The following ITPA variants were observed in gnomAD, a reference collection of about 807,000 sequenced individuals.
ITPA encodes the protein inosine triphosphate pyrophosphatase.
A neutral mutation model predicts 29.6 loss-of-function variants in ITPA; 29 were observed. That is an observed-to-expected ratio of 0.98 (90% CI 0.73 to 1.34). The LOEUF is 1.34. Among genes scored for constraint, ITPA ranks in the 40% most tolerant of loss-of-function variants. The probability of loss-of-function intolerance (pLI) is 0.00; values close to 1 mark genes in which losing one functional copy is unlikely to be tolerated. For missense variants in ITPA, 241 were observed against 251.5 expected (o/e 0.96, Z 0.28); for synonymous variants, 103 against 99.3 (o/e 1.04, Z -0.22).
chr20:3,204,289 TC>T (rs2067055506), upstream of ITPA, among the ~76,000 whole-genome samples: 1 of 152,100 alleles, frequency 6.6e-6, no homozygotes. Flanking sequence ...GGTATGGAGT[TC>T]CCGGGGGTGA....
upstream of ITPA, among the ~76,000 whole-genome samples, chr20:3,207,825 T>A (rs905121988): frequency 6.7e-6 from 1 of 150,196 alleles, no homozygotes; most frequent in African/African-American, 2.5e-5. Context: ...TGAAACCCCG[T>A]CTCTACTAAA....
chr20:3,216,131 C>T (rs747706317), intron 5 of ITPA, among the ~76,000 whole-genome samples: 68 of 150,038 alleles, frequency 4.5e-4, no homozygotes, highest in Middle Eastern at 7.0e-3. Flanking sequence ...ACTGGGATTA[C>T]AGGCATGCGC....
chr20:3,207,003 G>T (rs1405239281), upstream of ITPA, among the ~76,000 whole-genome samples: 1 of 152,000 alleles, frequency 6.6e-6, no homozygotes, highest in Non-Finnish European at 1.5e-5. Context: ...AACAGAGCAA[G>T]ACTCCATCTC....
At chr20:3,215,906 G>C (rs1418146602) in intron 5 of ITPA, among the ~76,000 whole-genome samples, 1 of 151,796 alleles carries the variant, frequency 6.6e-6, no homozygotes, top group Non-Finnish European at 1.5e-5. Flanking sequence ...GGCCAGTCTC[G>C]AACACCTGAC....
chr20:3,224,350 G>A (rs1018604613), downstream of ITPA, among the ~76,000 whole-genome samples: 3 of 152,208 alleles, frequency 2.0e-5, no homozygotes, highest in African/African-American at 7.2e-5. Context: ...GCCATTCCCT[G>A]GAAGGGACCT....
At chr20:3,206,074 AAG>A (rs1460825966), upstream of ITPA, among the ~76,000 whole-genome samples, 1 of 150,250 alleles carries the variant, frequency 6.7e-6, no homozygotes, top group Non-Finnish European at 1.5e-5. Context: ...AAAAAAAAGA[AAG>A]AAAGAAAGAA....
Position 3,221,836 on chromosome 20 carries a change from G to A in ITPA, c.412-5G>A. 1 of 1,613,976 alleles carries A rather than the reference G, an allele frequency of 6.2e-7. No homozygotes were observed. Among genetic ancestry groups the A allele is most frequent in the Non-Finnish European group, 8.5e-7 (1 of 1,179,968 alleles). On this transcript the variant is annotated splice_region_variant and splice_polypyrimidine_tract_variant and intron_variant, in intron 6 of 7. Transcript: ENST00000380113. ...TACACACCTGTCCCCCCTTTCCTGT[G>A]GCAGGGCCGGATCGTGGCACCCAGA...
chr20:3,223,597 C>T lies in ITPA; in HGVS notation c.*135C>T, dbSNP rs1022212426. On this transcript the variant is annotated 3_prime_UTR_variant, in exon 8 of 8. Transcript: ENST00000380113. ...TTGTGAGGGTGTCGAGTAGCCTCAC[C>T]GGCCTGTCTGGAGGAGCAGCTGGCT... The T allele has an allele frequency of 1.3e-5, 9 of 707,464 alleles. No homozygotes were observed. Among genetic ancestry groups the T allele is most frequent in the East Asian group, 5.4e-5 (2 of 36,848 alleles). The allele number at this position is 707,464 out of a possible 1,614,324, so 43.8% of individuals were successfully genotyped here. A position where few individuals can be genotyped will look rare whatever the true frequency, so the allele number is the denominator to read the frequency against.
intron 6 of ITPA, among the ~76,000 whole-genome samples, chr20:3,219,397 C>T (rs1367537647): frequency 1.3e-5 from 2 of 151,572 alleles, no homozygotes; most frequent in Non-Finnish European, 2.9e-5. Flanking sequence ...TTTCTTGAGC[C>T]CAGGTGTTCA....
chr20:3,223,489 G>A lies in ITPA; in HGVS notation c.*27G>A, dbSNP rs1214107800. On this transcript the variant is annotated 3_prime_UTR_variant, in exon 8 of 8. Transcript: ENST00000380113. Reference sequence around the variant, plus strand: ...TTCTGCAGCTGGAGGAGGCCCCTCAGGCCGGGGATCTGGGGAGGGCTAGCC... The same window carrying A: ...TTCTGCAGCTGGAGGAGGCCCCTCAAGCCGGGGATCTGGGGAGGGCTAGCC... 5.1e-6 allele frequency: 8 copies of A among 1,577,728 alleles called. No individual in the cohort carries two copies. In the Admixed American group the frequency reaches 6.8e-5, roughly 14 times the overall value.
chr20:3,204,518 G>T, upstream of ITPA: 2 of 1,548,220 alleles, frequency 1.3e-6, no homozygotes, highest in Non-Finnish European at 1.7e-6. Flanking sequence ...ACCAACCCTG[G>T]TGCAGCGGCA....
At chr20:3,217,184 T>C (rs1227616301) in intron 5 of ITPA, among the ~76,000 whole-genome samples, 2 of 152,236 alleles carry the variant, frequency 1.3e-5, no homozygotes, top group African/African-American at 4.8e-5. Context: ...CCCATCCTTA[T>C]GTGCTTTTAA....
rs182480258 is a variant in ITPA, at chr20:3,210,789, G to T, written c.66+1172G>T. Among the ~76,000 whole-genome samples, 189 of 152,126 alleles carry T rather than the reference G, an allele frequency of 1.2e-3. 1 individual carries two copies. The highest frequency in any genetic ancestry group is 4.4e-3 in the African/African-American group (184 of 41,526). On this transcript the variant is annotated intron_variant, in intron 1 of 7. Transcript: ENST00000380113. ...CTGGAACCCGAGTGCAGTGCCTCACGCCTGTAATCCCAGCACTTTGGGAGG... is the reference window on the plus strand; with the variant it reads ...CTGGAACCCGAGTGCAGTGCCTCACTCCTGTAATCCCAGCACTTTGGGAGG...
downstream of ITPA, among the ~76,000 whole-genome samples, chr20:3,224,425 C>T (rs1233006032): frequency 6.6e-6 from 1 of 152,156 alleles, no homozygotes; most frequent in South Asian, 2.1e-4. Context: ...GTGATGGGCT[C>T]AGGCTGGTGG....
upstream of ITPA, chr20:3,204,396 G>C: frequency 1.2e-6 from 1 of 817,518 alleles, no homozygotes; most frequent in Non-Finnish European, 1.9e-6. Flanking sequence ...AGCCCCACCC[G>C]GCACACGACT....
At chr20:3,215,122 C>T (rs2067263840) in intron 4 of ITPA, 159 bp from the exon 5 acceptor site, 1 of 712,344 alleles carries the variant, frequency 1.4e-6, no homozygotes. Context: ...CTGCCTTAGC[C>T]TCCCAAAGTG....
In ITPA at chr20:3,220,846, A is replaced by C. The variant is rs115988401; in HGVS notation, c.412-995A>C. Among the ~76,000 whole-genome samples the C allele has an allele frequency of 2.1e-3, 322 of 151,970 alleles. 1 individual carries two copies. The highest frequency in any genetic ancestry group is 6.9e-3 in the African/African-American group (288 of 41,452). On this transcript the variant is annotated intron_variant, in intron 6 of 7. Transcript: ENST00000380113. The stretch of plus-strand genomic sequence containing the variant: ...GCTGAGATTACAGGCGTGAGCTACC[A>C]CACCTGGTCCCTTGTATTTTTTTCA...
At chr20:3,214,084 C>T (rs747129324) in intron 4 of ITPA, 26 bp downstream of exon 4, 2 of 1,608,596 alleles carry the variant, frequency 1.2e-6, no homozygotes, top group South Asian at 1.1e-5. Context: ...CACCCCCTTA[C>T]AGGGCGTCAG....
At chr20:3,204,744 A>G, upstream of ITPA, 1 of 984,358 alleles carries the variant, frequency 1.0e-6, no homozygotes, top group East Asian at 2.6e-5. Context: ...CCAGCGGCAC[A>G]TCACAGAGAG....
Sources: allele counts gnomAD v4.1 joint callset (sites outside exome capture counted in the v4.1 genomes callset), GRCh38; gene constraint gnomAD v4.1.1; transcripts MANE v1.5; gene names NCBI Gene and HGNC (gene_info 2026-07-23, HGNC 2026-07-21).